The following NAALADL2 variants were observed in gnomAD, a reference collection of about 807,000 sequenced individuals.
NAALADL2 encodes the protein inactive N-acetylated-alpha-linked acidic dipeptidase-like protein 2.
NAALADL2 carries 76 observed loss-of-function variants against 87.2 expected under a neutral mutation model. The observed-to-expected ratio is 0.87, with a 90% CI of 0.72 to 1.05. NAALADL2 has a LOEUF of 1.05. NAALADL2 is among the 50% of genes least tolerant of loss of function. NAALADL2 has a pLI of 0.00. For synonymous variants in NAALADL2, 354 were observed against 331.0 expected, an observed-to-expected ratio of 1.07 and a Z score of -0.75; for missense variants, 1,089 against 945.8, an observed-to-expected ratio of 1.15 and a Z score of -1.99.
chr3:174,665,067 CT>C (rs1191979071), intron 2 of NAALADL2, among the ~76,000 whole-genome samples: 2 of 152,140 alleles, frequency 1.3e-5, no homozygotes, highest in East Asian at 3.9e-4. Context: ...TAAACTCAGT[CT>C]TGTGGAAATT....
chr3:174,577,213 T>A (rs1261742672), intron 2 of NAALADL2, among the ~76,000 whole-genome samples: 1 of 152,108 alleles, frequency 6.6e-6, no homozygotes, highest in Non-Finnish European at 1.5e-5. Context: ...CAAAAATAAT[T>A]TTCTCCTCTG....
intron 5 of NAALADL2, among the ~76,000 whole-genome samples, chr3:175,384,848 A>G (rs901256011): frequency 1.3e-5 from 2 of 151,172 alleles, no homozygotes; most frequent in Non-Finnish European, 1.5e-5. Flanking sequence ...CTTCATTGTT[A>G]TTACCAATTT....
Position 175,256,406 on chromosome 3 carries a change from T to A in NAALADL2, c.820-5T>A, listed in dbSNP as rs1480865067. The A allele has an allele frequency of 6.2e-7, 1 of 1,603,278 alleles. No individual in the cohort carries two copies. On this transcript the variant is annotated splice_region_variant and splice_polypyrimidine_tract_variant and intron_variant, in intron 3 of 13. Transcript: ENST00000454872. ...TATTTTTCTTTGTTTTTTCTCCTCT[T>A]TCAGGCTGAAGTCATCGATGTGAGT...
Position 174,604,183 on chromosome 3 carries a change from C to T in NAALADL2, c.-115+53546C>T, listed in dbSNP as rs146707778. Reference sequence around the variant, plus strand: ...TGTGCTGATAGTGGGATGTTGGGGTCTCTAACTATTATTGTATTTCTCTTT... The same window carrying T: ...TGTGCTGATAGTGGGATGTTGGGGTTTCTAACTATTATTGTATTTCTCTTT... On this transcript the variant is annotated intron_variant, in intron 2 of 3. Transcript: ENST00000434257. 4.6e-3 allele frequency among the ~76,000 whole-genome samples: 703 copies of T among 152,186 alleles called. 4 individuals are homozygous for T. Among genetic ancestry groups the T allele is most frequent in the Non-Finnish European group, 6.6e-3 (452 of 67,982 alleles).
intron 11 of NAALADL2, among the ~76,000 whole-genome samples, chr3:175,630,335 C>T (rs537133826): frequency 1.1e-4 from 17 of 151,676 alleles, no homozygotes; most frequent in African/African-American, 3.9e-4. Flanking sequence ...TTTAGTAGAA[C>T]TTTGTTTTAT....
chr3:174,545,317 C>A (rs1490084345), intron 1 of NAALADL2, among the ~76,000 whole-genome samples: 2 of 152,136 alleles, frequency 1.3e-5, no homozygotes, highest in East Asian at 3.9e-4. Context: ...CATTTCTAGG[C>A]CAGGTAACTG....
chr3:175,489,222 T>A (rs1485694599), intron 9 of NAALADL2, among the ~76,000 whole-genome samples: 1 of 152,110 alleles, frequency 6.6e-6, no homozygotes, highest in Admixed American at 6.5e-5. Flanking sequence ...TACTATTATA[T>A]TAAAAAAAAT....
intron 11 of NAALADL2, among the ~76,000 whole-genome samples, chr3:175,628,882 TAA>T (rs970425395): frequency 6.7e-6 from 1 of 150,200 alleles, no homozygotes. Context: ...ACCTTTAAAA[TAA>T]AAAGAGTTTG....
chr3:175,490,530 G>T (rs1727909679), intron 9 of NAALADL2, among the ~76,000 whole-genome samples: 3 of 149,178 alleles, frequency 2.0e-5, no homozygotes. Flanking sequence ...GGGACTACAG[G>T]CACCCGCCAC....
In NAALADL2 at chr3:175,718,205, T is replaced by A. The variant is rs1218097890; in HGVS notation, c.1897-19101T>A. 6.3e-6 allele frequency: 4 copies of A among 637,490 alleles called. No individual in the cohort carries two copies. The Admixed American group carries it at 1.5e-4, about 24-fold the overall frequency. 39.5% of individuals were successfully genotyped at this position (637,490 alleles called of 1,614,324 possible). ...GGGGAAGGGCCTGTGGTTTTTTTTT[T>A]TTTTTTTTTTTTTTTTTTGATTAGT... On this transcript the variant is annotated intron_variant, in intron 11 of 13. Transcript: ENST00000454872.
At chr3:174,463,830 C>T (rs1406489141) in intron 1 of NAALADL2, among the ~76,000 whole-genome samples, 1 of 152,036 alleles carries the variant, frequency 6.6e-6, no homozygotes, top group Non-Finnish European at 1.5e-5. Flanking sequence ...TTGATCTCGA[C>T]CTTGTGATCC....
intron 2 of NAALADL2, among the ~76,000 whole-genome samples, chr3:175,196,197 A>G (rs1321838466): frequency 2.0e-5 from 3 of 151,768 alleles, no homozygotes; most frequent in Admixed American, 2.0e-4. Context: ...TTTTCCTTCA[A>G]GCTTTGGGGG....
At chr3:175,483,755 T>G (rs893322764) in intron 9 of NAALADL2, among the ~76,000 whole-genome samples, 4 of 152,232 alleles carry the variant, frequency 2.6e-5, no homozygotes, top group Non-Finnish European at 4.4e-5. Flanking sequence ...CATTGGGTAC[T>G]GAAAGCAGTG....
intron 1 of NAALADL2, among the ~76,000 whole-genome samples, chr3:174,477,242 A>T (rs1404491052): frequency 6.6e-6 from 1 of 152,140 alleles, no homozygotes. Context: ...TTTAGGCCAA[A>T]TATCATTTGC....
At chr3:175,098,493 C>G (rs78750210) in intron 2 of NAALADL2, among the ~76,000 whole-genome samples, 1,865 of 152,202 alleles carry the variant, frequency 0.012, 37 homozygotes, top group African/African-American at 0.043. Flanking sequence ...TGTCTGTGCA[C>G]ACAAGGGCAG....
intron 11 of NAALADL2, among the ~76,000 whole-genome samples, chr3:175,628,221 T>C (rs1355011301): frequency 6.6e-6 from 1 of 151,748 alleles, no homozygotes; most frequent in Non-Finnish European, 1.5e-5. Context: ...CATTCAAGAC[T>C]TTTTTCTATA....
intron 1 of NAALADL2, among the ~76,000 whole-genome samples, chr3:174,977,747 T>C (rs1744553687): frequency 6.6e-6 from 1 of 152,084 alleles, no homozygotes; most frequent in Non-Finnish European, 1.5e-5. Context: ...ACAAAGATAA[T>C]ACTTATCACC....
intron 1 of NAALADL2, among the ~76,000 whole-genome samples, chr3:175,063,865 A>C (rs1172211240): frequency 6.6e-6 from 1 of 152,168 alleles, no homozygotes; most frequent in Admixed American, 6.5e-5. Context: ...TTAGGCAACT[A>C]CATCCGTATT....
At chr3:175,036,390 A>AT (rs534873999) in intron 1 of NAALADL2, among the ~76,000 whole-genome samples, 3,100 of 147,684 alleles carry the variant, frequency 0.021, 88 homozygotes, top group African/African-American at 0.069. Flanking sequence ...GTAGAACACA[A>AT]TTTTTTTTTT....
Sources: allele counts gnomAD v4.1 joint callset (sites outside exome capture counted in the v4.1 genomes callset), GRCh38; gene constraint gnomAD v4.1.1; transcripts MANE v1.5; gene names NCBI Gene and HGNC (gene_info 2026-07-23, HGNC 2026-07-21).